Variants in SRD5A2 observed in about 807,000 individuals in gnomAD.
The protein encoded by SRD5A2 is 3-oxo-5-alpha-steroid 4-dehydrogenase 2.
A neutral mutation model predicts 27.4 loss-of-function variants in SRD5A2; 30 were observed. The observed-to-expected ratio is 1.10, with a 90% CI of 0.82 to 1.49. The LOEUF is 1.49. Among genes scored for constraint, SRD5A2 ranks in the 40% most tolerant of loss-of-function variants. The pLI is 0.00. For synonymous variants in SRD5A2, 141 were observed against 133.6 expected (o/e 1.06, Z -0.38); for missense variants, 348 against 323.4 (o/e 1.08, Z -0.58).
chr2:31,564,586 A>G (rs1666691934), intron 1 of SRD5A2, among the ~76,000 whole-genome samples: 2 of 151,944 alleles, frequency 1.3e-5, no homozygotes, highest in Non-Finnish European at 2.9e-5. Context: ...TAAATACACC[A>G]AGGAATATAG....
In SRD5A2 at chr2:31,533,730, AG is replaced by A. The variant is rs767595335; in HGVS notation, c.317del (p.Pro106LeufsTer25). The A allele has an allele frequency of 5.6e-6, 9 of 1,602,420 alleles. No individual in the cohort carries two copies. Among genetic ancestry groups the A allele is most frequent in the African/African-American group, 1.3e-5 (1 of 74,810 alleles). On this transcript the variant is annotated frameshift_variant, in exon 2 of 5. Transcript: ENST00000622030. LOFTEE classifies it high-confidence loss of function. ...FVYSLLNRGR[P>X]YPAILILRGT... ...CTCTGAGAATGAGTATAGCTGGATAAGGCCTCCCTCGATTGAGCAGTGAGTA... is the reference window on the plus strand; with the variant it reads ...CTCTGAGAATGAGTATAGCTGGATAAGCCTCCCTCGATTGAGCAGTGAGTA...
chr2:31,555,621 T>C (rs181488275), intron 1 of SRD5A2, among the ~76,000 whole-genome samples: 15 of 152,304 alleles, frequency 9.8e-5, no homozygotes, highest in South Asian at 6.2e-4. Flanking sequence ...CAGGTCCTGA[T>C]AGTATCTTTG....
chr2:31,632,450 G>A, the SRD5A2 span, among the ~76,000 whole-genome samples: 1 of 152,208 alleles, frequency 6.6e-6, no homozygotes, highest in African/African-American at 2.4e-5. Context: ...CTGCCCCAGG[G>A]GACGAAGGTC....
chr2:31,590,393 G>T, the SRD5A2 span, among the ~76,000 whole-genome samples: 2 of 152,030 alleles, frequency 1.3e-5, no homozygotes, highest in Non-Finnish European at 2.9e-5. Flanking sequence ...GATCCTTCAC[G>T]TCCCTTGTAA....
At chr2:31,557,274 G>A (rs766291115) in intron 1 of SRD5A2, among the ~76,000 whole-genome samples, 1 of 152,242 alleles carries the variant, frequency 6.6e-6, no homozygotes, top group Non-Finnish European at 1.5e-5. Context: ...TTGAGCAGAA[G>A]TCATTTTAAG....
At chr2:31,623,405 C>T in the SRD5A2 span, among the ~76,000 whole-genome samples, 1 of 152,062 alleles carries the variant, frequency 6.6e-6, no homozygotes. Flanking sequence ...ATTCCAATAT[C>T]AAATGCAAAT....
intron 4 of SRD5A2, 61 bp from the exon 5 acceptor site, chr2:31,526,323 T>G: frequency 9.1e-7 from 1 of 1,099,168 alleles, no homozygotes; most frequent in Non-Finnish European, 1.4e-6. Context: ...AGCTGAGGTT[T>G]GCTCTTACCA....
At chr2:31,614,446 G>T in the SRD5A2 span, among the ~76,000 whole-genome samples, 4 of 152,216 alleles carry the variant, frequency 2.6e-5, no homozygotes, top group Non-Finnish European at 5.9e-5. Context: ...CTGTGGCTTT[G>T]CAGGGTACAG....
the SRD5A2 span, among the ~76,000 whole-genome samples, chr2:31,612,650 G>T: frequency 6.6e-6 from 1 of 152,056 alleles, no homozygotes; most frequent in African/African-American, 2.4e-5. Context: ...ATTTTTCACA[G>T]AAATGGAAAA....
At chr2:31,594,582 T>C in the SRD5A2 span, among the ~76,000 whole-genome samples, 4 of 152,008 alleles carry the variant, frequency 2.6e-5, no homozygotes, top group South Asian at 4.1e-4. Flanking sequence ...AGAAATGAAA[T>C]AGATAGCAAC....
At chr2:31,609,313 C>A in the SRD5A2 span, among the ~76,000 whole-genome samples, 1 of 151,598 alleles carries the variant, frequency 6.6e-6, no homozygotes, top group South Asian at 2.1e-4. Flanking sequence ...ACAAAATAAT[C>A]TTTAAAAAGA....
chr2:31,611,115 T>A, the SRD5A2 span, among the ~76,000 whole-genome samples: 3 of 151,780 alleles, frequency 2.0e-5, no homozygotes, highest in African/African-American at 7.3e-5. Flanking sequence ...TCTAAAAAAA[T>A]AATAATAATT....
At chr2:31,616,794 G>C in the SRD5A2 span, among the ~76,000 whole-genome samples, 1 of 152,184 alleles carries the variant, frequency 6.6e-6, no homozygotes, top group Admixed American at 6.5e-5. Flanking sequence ...TGTTGGGAAG[G>C]CATGATTGGT....
At chr2:31,621,773 A>G in the SRD5A2 span, among the ~76,000 whole-genome samples, 1 of 152,036 alleles carries the variant, frequency 6.6e-6, no homozygotes. Context: ...AGTAGCTAGA[A>G]CTACAGGTAT....
chr2:31,619,700 C>CT, the SRD5A2 span, among the ~76,000 whole-genome samples: 2 of 152,044 alleles, frequency 1.3e-5, no homozygotes, highest in South Asian at 4.2e-4. Context: ...CAGTGATGAA[C>CT]TTTTTTTCAT....
the SRD5A2 span, among the ~76,000 whole-genome samples, chr2:31,600,713 G>A: frequency 6.6e-6 from 1 of 151,686 alleles, no homozygotes; most frequent in Non-Finnish European, 1.5e-5. Context: ...CATTCTATGA[G>A]GCCAGTGTTA....
At chr2:31,569,390 C>G (rs1305056888) in intron 1 of SRD5A2, among the ~76,000 whole-genome samples, 2 of 152,184 alleles carry the variant, frequency 1.3e-5, no homozygotes, top group African/African-American at 4.8e-5. Flanking sequence ...CCAGCTCTTC[C>G]ACATCCTCAC....
the SRD5A2 span, among the ~76,000 whole-genome samples, chr2:31,624,705 A>G: frequency 6.6e-6 from 1 of 152,114 alleles, no homozygotes; most frequent in African/African-American, 2.4e-5. Context: ...TTTCATGGCC[A>G]CATAGTATTC....
chr2:31,526,616 T>G (rs923934420), intron 4 of SRD5A2, among the ~76,000 whole-genome samples: 1 of 152,102 alleles, frequency 6.6e-6, no homozygotes, highest in African/African-American at 2.4e-5. Context: ...AGGAGGTACT[T>G]GTTTGGATTC....
Sources: allele counts gnomAD v4.1 joint callset (sites outside exome capture counted in the v4.1 genomes callset), GRCh38; gene constraint gnomAD v4.1.1; transcripts MANE v1.5; gene names NCBI Gene and HGNC (gene_info 2026-07-23, HGNC 2026-07-21).